Variants in SHTN1 observed in about 807,000 individuals in gnomAD.
SHTN1 encodes the protein shootin-1.
A neutral mutation model predicts 83.1 loss-of-function variants in SHTN1; 42 were observed. The ratio of observed to expected loss-of-function variants is 0.51; its 90% confidence interval spans 0.39 to 0.65. SHTN1 has a LOEUF of 0.65. Ranked by LOEUF, SHTN1 falls within the 30% of genes least tolerant of loss-of-function variation. The probability of loss-of-function intolerance (pLI) is 0.00; values close to 1 mark genes in which losing one functional copy is unlikely to be tolerated. For missense variants in SHTN1, 622 were observed against 737.8 expected (o/e 0.84, Z 1.82); for synonymous variants, 224 against 247.7 (o/e 0.90, Z 0.90).
chr10:117,084,581 G>T (rs1012062767), intron 1 of SHTN1, among the ~76,000 whole-genome samples: 4 of 152,182 alleles, frequency 2.6e-5, no homozygotes, highest in Admixed American at 1.3e-4. Flanking sequence ...CGAGCTTCCC[G>T]GCTGCTTTGT....
At position 116,883,958 on chromosome 10, in the gene SHTN1, G is replaced by A; in HGVS notation, c.*2386C>T. Reference sequence around the variant, plus strand: ...CATTTTCTTTTTCTTTAATAGCAATGGCACAAAGTACCTCTATCTCTGTTC... The same window carrying A: ...CATTTTCTTTTTCTTTAATAGCAATAGCACAAAGTACCTCTATCTCTGTTC... On this transcript the variant is annotated 3_prime_UTR_variant, in exon 17 of 17. Coordinates refer to ENST00000355371, the MANE Select transcript of SHTN1 (RefSeq NM_001127211.3). 1 of 190,428 alleles carries A rather than the reference G, an allele frequency of 5.3e-6. No individual in the cohort carries two copies. The highest frequency in any genetic ancestry group is 1.6e-4 in the East Asian group (1 of 6,174). The allele number at this position is 190,428 out of a possible 1,614,324, so 11.8% of individuals were successfully genotyped here. A position where few individuals can be genotyped will look rare whatever the true frequency, so the allele number is the denominator to read the frequency against.
chr10:116,990,285 TTC>T (rs1315335890), intron 1 of SHTN1, among the ~76,000 whole-genome samples: 65 of 57,700 alleles, frequency 1.1e-3, no homozygotes, highest in African/African-American at 3.4e-3. Flanking sequence ...TCTTTTTTCT[TTC>T]TTTTTTTTTT....
At chr10:117,103,366 C>T (rs1853622655) in intron 1 of SHTN1, among the ~76,000 whole-genome samples, 1 of 152,010 alleles carries the variant, frequency 6.6e-6, no homozygotes, top group Non-Finnish European at 1.5e-5. Context: ...TCTGGGATTA[C>T]AGGCATGAGC....
chr10:117,100,519 T>C (rs1235004410), intron 1 of SHTN1, among the ~76,000 whole-genome samples: 1 of 152,338 alleles, frequency 6.6e-6, no homozygotes. Context: ...ATGAACTATA[T>C]TTTTTAATGT....
intron 1 of SHTN1, among the ~76,000 whole-genome samples, chr10:117,070,318 A>G (rs1853061900): frequency 6.6e-6 from 1 of 152,106 alleles, no homozygotes; most frequent in Non-Finnish European, 1.5e-5. Context: ...GAATTAAAAA[A>G]TTTGATAACT....
In SHTN1 at chr10:116,954,096, T is replaced by A. The variant is rs766942469; in HGVS notation, c.382A>T (p.Thr128Ser). The change falls in exon 5 of 17, where the codon ACA (threonine) becomes TCA (serine). Residue 128 changes from threonine to serine, a missense_variant. Transcript: ENST00000355371. ...NIDDEDSTTD[T>S]DGAAETCVSV... ...ACACAAGTCTCGGCGGCACCGTCTG[T>A]GTCTGTAGTCGAATCTTCATCATCA... The A allele has an allele frequency of 1.9e-6, 3 of 1,614,124 alleles. No homozygotes were observed. In the South Asian group the frequency reaches 3.3e-5, roughly 18 times the overall value.
chr10:116,914,341 A>G (rs1848304302), intron 13 of SHTN1, among the ~76,000 whole-genome samples: 2 of 152,050 alleles, frequency 1.3e-5, no homozygotes, highest in South Asian at 4.1e-4. Context: ...GCATGGTGGC[A>G]TGCGCCTGTA....
At chr10:117,001,827 T>C (rs560925167) in intron 1 of SHTN1, among the ~76,000 whole-genome samples, 1 of 152,278 alleles carries the variant, frequency 6.6e-6, no homozygotes, top group East Asian at 1.9e-4. Flanking sequence ...ATTCTAAGCA[T>C]GTAACAAAAT....
chr10:117,120,898 C>T (rs1853914585), intron 1 of SHTN1, among the ~76,000 whole-genome samples: 1 of 151,774 alleles, frequency 6.6e-6, no homozygotes, highest in African/African-American at 2.4e-5. Flanking sequence ...AAACCTCCAC[C>T]TCCCAGGTTC....
At chr10:116,966,428 AAATT>A (rs1564903613) in intron 3 of SHTN1, among the ~76,000 whole-genome samples, 2 of 152,124 alleles carry the variant, frequency 1.3e-5, no homozygotes, top group African/African-American at 4.8e-5. Flanking sequence ...TCCAAACCTT[AAATT>A]AATTAAAGAC....
At chr10:116,972,201 T>A (rs1032973103) in intron 2 of SHTN1, among the ~76,000 whole-genome samples, 1 of 152,206 alleles carries the variant, frequency 6.6e-6, no homozygotes, top group South Asian at 2.1e-4. Flanking sequence ...ACTAATCCTA[T>A]GGTTATCATC....
chr10:116,954,098 T>G lies in SHTN1; in HGVS notation c.380A>C (p.Asp127Ala). 6.2e-7 allele frequency: 1 copy of G among 1,614,108 alleles called. No homozygotes were observed. ...ACAAGTCTCGGCGGCACCGTCTGTG[T>G]CTGTAGTCGAATCTTCATCATCAAT... ...INIDDEDSTTDTDGAAETCVS... is the reference protein window; with the variant it reads ...INIDDEDSTTATDGAAETCVS... Residue 127 changes from aspartate to alanine, a missense_variant, in exon 5 of 17, where the codon GAC becomes GCC. Asp to Ala is a moderately radical substitution (Grantham distance 126, BLOSUM62 -2). Coordinates refer to ENST00000355371, the MANE Select transcript of SHTN1 (RefSeq NM_001127211.3).
intron 1 of SHTN1, among the ~76,000 whole-genome samples, chr10:117,110,405 G>A (rs1018863748): frequency 3.9e-5 from 6 of 152,288 alleles, no homozygotes; most frequent in African/African-American, 1.4e-4. Context: ...AGGCTGGAGT[G>A]CAGTGGCACC....
intron 9 of SHTN1, among the ~76,000 whole-genome samples, chr10:116,938,423 G>A (rs911143976): frequency 3.9e-5 from 6 of 152,140 alleles, no homozygotes; most frequent in East Asian, 1.9e-4. Flanking sequence ...GTCAGGCCCC[G>A]CTACTGCAGG....
intron 2 of SHTN1, among the ~76,000 whole-genome samples, chr10:117,024,545 G>C (rs577403876): frequency 6.6e-6 from 1 of 151,596 alleles, no homozygotes. Context: ...TAGTAGAGAC[G>C]GGGTTTCACT....
chr10:117,085,497 G>A (rs1487467856), intron 1 of SHTN1, among the ~76,000 whole-genome samples: 1 of 152,164 alleles, frequency 6.6e-6, no homozygotes, highest in Non-Finnish European at 1.5e-5. Flanking sequence ...TGTGGTCTGA[G>A]AGCATATTTT....
intron 1 of SHTN1, among the ~76,000 whole-genome samples, chr10:117,065,838 A>G (rs1424308978): frequency 1.2e-3 from 70 of 58,872 alleles, no homozygotes; most frequent in East Asian, 3.0e-3. Context: ...GGAAGGAAGG[A>G]AGGAAGGAAG....
chr10:117,025,551 C>T (rs565502057), intron 2 of SHTN1, among the ~76,000 whole-genome samples: 1 of 152,240 alleles, frequency 6.6e-6, no homozygotes, highest in South Asian at 2.1e-4. Flanking sequence ...TTGAGGGACA[C>T]ACAACCTACT....
intron 9 of SHTN1, among the ~76,000 whole-genome samples, chr10:116,930,506 T>G (rs908157914): frequency 1.3e-5 from 2 of 152,174 alleles, no homozygotes; most frequent in Non-Finnish European, 2.9e-5. Flanking sequence ...CCATGTTAGT[T>G]CACTTAGGAT....
Sources: allele counts gnomAD v4.1 joint callset (sites outside exome capture counted in the v4.1 genomes callset), GRCh38; gene constraint gnomAD v4.1.1; transcripts MANE v1.5; gene names NCBI Gene and HGNC (gene_info 2026-07-23, HGNC 2026-07-21).